The following DLEU7 variants were observed in gnomAD, a reference collection of about 807,000 sequenced individuals.
DLEU7 encodes leukemia-associated protein 7.
Under a neutral mutation model 16.0 loss-of-function variants are expected in DLEU7, and 17 were observed. The ratio of observed to expected loss-of-function variants is 1.06; its 90% confidence interval spans 0.73 to 1.59. The LOEUF is 1.59. DLEU7 is among the 40% of genes most tolerant of loss of function. The probability of loss-of-function intolerance (pLI) is 0.00; values close to 1 mark genes in which losing one functional copy is unlikely to be tolerated. For synonymous variants in DLEU7, 113 were observed against 139.8 expected (o/e 0.81, Z 1.35); for missense variants, 308 against 314.9 (o/e 0.98, Z 0.17).
At chr13:50,836,488 T>C (rs1387812721) in intron 1 of DLEU7, among the ~76,000 whole-genome samples, 1 of 151,822 alleles carries the variant, frequency 6.6e-6, no homozygotes, top group Non-Finnish European at 1.5e-5. Context: ...TCCTGGCTAA[T>C]ATGGTGAAAC....
At chr13:50,774,211 C>A (rs1566247218) in intron 1 of DLEU7, among the ~76,000 whole-genome samples, 1 of 152,184 alleles carries the variant, frequency 6.6e-6, no homozygotes, top group Non-Finnish European at 1.5e-5. Flanking sequence ...TCCCCCAACC[C>A]CTTGAGCTTC....
intron 1 of DLEU7, among the ~76,000 whole-genome samples, chr13:50,803,590 ATATCT>A (rs972600286): frequency 9.2e-5 from 14 of 152,154 alleles, no homozygotes; most frequent in Admixed American, 4.6e-4. Flanking sequence ...AGGAATAGAA[ATATCT>A]TATTTATAAT....
chr13:50,711,097 C>A, downstream of DLEU7: 1 of 152,156 alleles, frequency 6.6e-6, no homozygotes, highest in East Asian at 1.9e-4. Flanking sequence ...TGGAAATGAA[C>A]AATTTTTCTT....
intron 1 of DLEU7, chr13:50,715,429 A>G (rs1466177315): frequency 6.6e-6 from 1 of 152,260 alleles, no homozygotes; most frequent in African/African-American, 2.4e-5. Flanking sequence ...TTAGTACCTG[A>G]AAAGCCAGCA....
intron 1 of DLEU7, among the ~76,000 whole-genome samples, chr13:50,729,417 T>G (rs1226510691): frequency 6.6e-6 from 1 of 152,234 alleles, no homozygotes; most frequent in Non-Finnish European, 1.5e-5. Context: ...CACATTTTTT[T>G]TATTCAGTCT....
chr13:50,747,618 C>T (rs1240222328), intron 1 of DLEU7, among the ~76,000 whole-genome samples: 2 of 151,960 alleles, frequency 1.3e-5, no homozygotes, highest in Admixed American at 6.6e-5. Context: ...CTTCCCATTC[C>T]GCCACTCATC....
In DLEU7 at chr13:50,843,451, C is replaced by G. The variant is rs1286894667; in HGVS notation, c.196G>C (p.Glu66Gln). Residue 66 changes from glutamate (E) to glutamine (Q), a missense_variant, in exon 1 of 2, where the codon GAG (glutamate) becomes CAG (glutamine). By Grantham distance (29) the Glu-to-Gln change is conservative. Coordinates refer to ENST00000504404, the MANE Select transcript of DLEU7 (RefSeq NM_001306135.2). The surrounding 1 kb of genome is among the most constrained non-coding windows in gnomAD (Gnocchi z 5.7). ...PPRARPGPGR[E>Q]ERGGGVGTRS... ...GTCCCCACGCCCCCGCCCCGCTCCT[C>G]GCGCCCGGGCCCCGGCCGGGCCCGC... 9.8e-6 allele frequency: 13 copies of G among 1,320,736 alleles called. No homozygotes were observed. The South Asian group carries it at 2.0e-4, about 21-fold the overall frequency. The allele number at this position is 1,320,736 out of a possible 1,614,324, so 81.8% of individuals were successfully genotyped here.
intron 1 of DLEU7, among the ~76,000 whole-genome samples, chr13:50,747,369 T>TGA (rs1555289391): frequency 1.1e-5 from 1 of 91,144 alleles, no homozygotes; most frequent in Non-Finnish European, 2.0e-5. Flanking sequence ...TGTGTGTGTG[T>TGA]GTGACAGAGA....
chr13:50,782,300 G>A (rs756832339), intron 1 of DLEU7, among the ~76,000 whole-genome samples: 1 of 152,154 alleles, frequency 6.6e-6, no homozygotes, highest in African/African-American at 2.4e-5. Context: ...AATGGCTAAC[G>A]GAAATCAGAC....
intron 1 of DLEU7, among the ~76,000 whole-genome samples, chr13:50,748,456 G>C (rs1874466034): frequency 1.3e-5 from 2 of 152,000 alleles, no homozygotes; most frequent in African/African-American, 4.8e-5. Flanking sequence ...CTCTACTAGA[G>C]AGGAACATAA....
intron 1 of DLEU7, among the ~76,000 whole-genome samples, chr13:50,802,644 TC>T (rs1876283164): frequency 6.6e-6 from 1 of 152,192 alleles, no homozygotes; most frequent in South Asian, 2.1e-4. Context: ...TTTGAATAGG[TC>T]ATACATATTT....
chr13:50,830,752 C>T (rs559955646), intron 1 of DLEU7, among the ~76,000 whole-genome samples: 50 of 152,230 alleles, frequency 3.3e-4, no homozygotes, highest in African/African-American at 1.1e-3. Context: ...CCTTTCAGTA[C>T]CTGTATGTTA....
At chr13:50,765,549 A>G (rs1334538199) in intron 1 of DLEU7, among the ~76,000 whole-genome samples, 2 of 152,136 alleles carry the variant, frequency 1.3e-5, no homozygotes, top group Admixed American at 1.3e-4. Flanking sequence ...GGCAATAATC[A>G]GGCCCTGGGG....
intron 1 of DLEU7, among the ~76,000 whole-genome samples, chr13:50,761,393 G>A (rs746979830): frequency 1.3e-5 from 2 of 151,260 alleles, no homozygotes; most frequent in Non-Finnish European, 2.9e-5. Flanking sequence ...CAAAAGGGGT[G>A]GAGTGGAACA....
intron 1 of DLEU7, among the ~76,000 whole-genome samples, chr13:50,826,426 G>C (rs1176689489): frequency 6.6e-6 from 1 of 152,036 alleles, no homozygotes; most frequent in African/African-American, 2.4e-5. Flanking sequence ...AAACCTAATT[G>C]ACAGCTTAAA....
chr13:50,714,518 A>C (rs541527444), intron 1 of DLEU7, among the ~76,000 whole-genome samples: 1 of 152,342 alleles, frequency 6.6e-6, no homozygotes, highest in East Asian at 1.9e-4. Flanking sequence ...AGAAAAAAAA[A>C]TATTGTTAAA....
intron 1 of DLEU7, among the ~76,000 whole-genome samples, chr13:50,802,938 T>C (rs1487707873): frequency 6.6e-6 from 1 of 152,196 alleles, no homozygotes; most frequent in Non-Finnish European, 1.5e-5. Flanking sequence ...TATTACATAA[T>C]ATATTTTCTT....
At chr13:50,836,814 G>C (rs971786742) in intron 1 of DLEU7, among the ~76,000 whole-genome samples, 3 of 152,212 alleles carry the variant, frequency 2.0e-5, no homozygotes, top group African/African-American at 7.2e-5. Context: ...CCAGTGCTGG[G>C]CCCAACAAAA....
intron 1 of DLEU7, among the ~76,000 whole-genome samples, chr13:50,764,693 G>T (rs1875047003): frequency 6.6e-6 from 1 of 152,190 alleles, no homozygotes; most frequent in Admixed American, 6.5e-5. Context: ...AAGGGGCAGT[G>T]TACTATTCCA....
Sources: gnomAD v4.1 joint callset for allele counts (sites outside exome capture counted in the v4.1 genomes callset) on GRCh38, gnomAD v4.1.1 for gene constraint, Gnocchi (gnomAD v3.1) non-coding constraint, MANE v1.5 for transcripts, NCBI Gene and HGNC (gene_info 2026-07-23, HGNC 2026-07-21) for gene names.